PCDH15: variants seen among roughly 807,000 people sequenced by gnomAD.
PCDH15 encodes the protein protocadherin related 15.
PCDH15 carries 129 observed loss-of-function variants against 178.5 expected under a neutral mutation model. The ratio of observed to expected loss-of-function variants is 0.72; its 90% CI spans 0.63 to 0.84. The LOEUF (loss-of-function observed/expected upper bound fraction) is 0.84. Ranked by LOEUF, PCDH15 falls within the 40% of genes least tolerant of loss-of-function variation. The pLI, the probability that PCDH15 is intolerant of heterozygous loss-of-function variation, is 0.00. For missense variants in PCDH15, 2,230 were observed against 2,099.9 expected, an observed-to-expected ratio of 1.06 and a Z score of -1.21; for synonymous variants, 800 against 732.0, an observed-to-expected ratio of 1.09 and a Z score of -1.50.
intron 6 of PCDH15, among the ~76,000 whole-genome samples, chr10:54,337,547 G>A (rs1042845152): frequency 3.3e-5 from 5 of 152,198 alleles, no homozygotes; most frequent in South Asian, 2.1e-4. Context: ...TATCAACAGC[G>A]TGAAAACGGA....
At chr10:54,468,090 C>T (rs1054419657) in intron 3 of PCDH15, among the ~76,000 whole-genome samples, 14 of 151,602 alleles carry the variant, frequency 9.2e-5, no homozygotes, top group African/African-American at 3.4e-4. Flanking sequence ...TAAATTTTAT[C>T]TTTTTTTGGA....
At chr10:54,104,661 C>A (rs927176668) in intron 15 of PCDH15, among the ~76,000 whole-genome samples, 1 of 116,858 alleles carries the variant, frequency 8.6e-6, no homozygotes, top group Non-Finnish European at 2.0e-5. Flanking sequence ...TACAGTGAAA[C>A]CCCGTCTCTA....
rs563265090 is a variant in PCDH15, at chr10:53,839,270, T to C, written c.3983+1050A>G. 3.3e-5 allele frequency among the ~76,000 whole-genome samples: 5 copies of C among 151,658 alleles called. No homozygotes were observed. In the South Asian group the frequency reaches 1.0e-3, roughly 32 times the overall value. On this transcript the variant is annotated intron_variant, in intron 29 of 37. Transcript: ENST00000644397. ...AATAATTATGGCTTTTAAAAAATTT[T>C]AGCTGATATTAAATCATTATTTTAT...
intron 10 of PCDH15, among the ~76,000 whole-genome samples, chr10:54,199,713 G>A (rs887808263): frequency 8.6e-5 from 13 of 151,874 alleles, no homozygotes; most frequent in Non-Finnish European, 1.8e-4. Context: ...CCTGAAATCC[G>A]TGGTGGATGA....
intron 26 of PCDH15, among the ~76,000 whole-genome samples, chr10:53,875,150 C>T (rs911459270): frequency 6.6e-6 from 1 of 151,830 alleles, no homozygotes; most frequent in African/African-American, 2.4e-5. Context: ...TTTTCCAGAA[C>T]TGATAAAAGA....
intron 5 of PCDH15, among the ~76,000 whole-genome samples, chr10:54,349,069 C>T (rs568327789): frequency 5.0e-4 from 76 of 152,140 alleles, no homozygotes; most frequent in African/African-American, 1.7e-3. Context: ...CCAAAAAATA[C>T]TATGTCATGG....
intron 3 of PCDH15, among the ~76,000 whole-genome samples, chr10:54,855,121 A>G (rs1031453626): frequency 1.3e-5 from 2 of 152,240 alleles, no homozygotes; most frequent in Admixed American, 6.5e-5. Flanking sequence ...CTTTACTCCA[A>G]GAACAAAGCA....
At chr10:54,180,155 T>C (rs1334240673) in intron 13 of PCDH15, among the ~76,000 whole-genome samples, 2 of 152,188 alleles carry the variant, frequency 1.3e-5, no homozygotes, top group Non-Finnish European at 2.9e-5. Flanking sequence ...CGGAAGATGA[T>C]GTTGGTGCTT....
intron 1 of PCDH15, among the ~76,000 whole-genome samples, chr10:54,674,575 A>C (rs565111438): frequency 6.6e-6 from 1 of 152,216 alleles, no homozygotes; most frequent in Non-Finnish European, 1.5e-5. Flanking sequence ...ATAAATCTAC[A>C]TGGTTAAAGA....
chr10:54,451,347 A>C (rs374039994), intron 3 of PCDH15, among the ~76,000 whole-genome samples: 15 of 151,926 alleles, frequency 9.9e-5, no homozygotes, highest in African/African-American at 3.6e-4. Flanking sequence ...ACTAGTGAGC[A>C]TTATCTTTTG....
intron 2 of PCDH15, among the ~76,000 whole-genome samples, chr10:54,949,676 T>G (rs1459776572): frequency 6.6e-6 from 1 of 152,148 alleles, no homozygotes; most frequent in Non-Finnish European, 1.5e-5. Context: ...TGCATACAAC[T>G]GAATGCTTTT....
chr10:55,082,057 T>C (rs1236629876), intron 2 of PCDH15, among the ~76,000 whole-genome samples: 2 of 152,140 alleles, frequency 1.3e-5, no homozygotes, highest in Non-Finnish European at 1.5e-5. Flanking sequence ...GGAATTAATC[T>C]GCGCTATAGA....
rs367993446 is a variant in PCDH15, at chr10:54,357,367, T to C, written c.475-10883A>G. Among the ~76,000 whole-genome samples, 177 of 152,162 alleles carry C rather than the reference T, an allele frequency of 1.2e-3. 6 individuals are homozygous for C. The South Asian group carries it at 0.031, about 27-fold the overall frequency. ...AATCACAAGCATTCTTATACACCAA[T>C]AACAGACAAATAGAGAGCCAAATCA... On this transcript the variant is annotated intron_variant, in intron 5 of 37. Coordinates refer to ENST00000644397, the MANE Select transcript of PCDH15 (RefSeq NM_001384140.1).
intron 10 of PCDH15, among the ~76,000 whole-genome samples, chr10:54,197,590 G>A (rs1403020863): frequency 6.6e-6 from 1 of 152,080 alleles, no homozygotes; most frequent in East Asian, 1.9e-4. Flanking sequence ...GATAGATAGT[G>A]ACAGTACTTT....
At chr10:55,595,874 G>T (rs577206146) in intron 2 of PCDH15, among the ~76,000 whole-genome samples, 2 of 152,090 alleles carry the variant, frequency 1.3e-5, no homozygotes, top group South Asian at 4.1e-4. Flanking sequence ...ATTCTTCTAT[G>T]AAATAAGTAA....
chr10:54,997,918 G>C (rs1203682150), intron 2 of PCDH15, among the ~76,000 whole-genome samples: 2 of 152,028 alleles, frequency 1.3e-5, no homozygotes, highest in Non-Finnish European at 2.9e-5. Context: ...AATTAAGAAA[G>C]GGTTATGATA....
intron 1 of PCDH15, among the ~76,000 whole-genome samples, chr10:55,244,204 T>G (rs1476378699): frequency 6.6e-6 from 1 of 152,048 alleles, no homozygotes; most frequent in African/African-American, 2.4e-5. Flanking sequence ...CTTGTCAAAT[T>G]GTTTTCTGTG....
chr10:54,264,754 T>C (rs1441053851), intron 8 of PCDH15, among the ~76,000 whole-genome samples: 1 of 152,066 alleles, frequency 6.6e-6, no homozygotes, highest in East Asian at 1.9e-4. Flanking sequence ...TCAAGAAATA[T>C]GGGATTATGT....
At chr10:54,896,875 T>G (rs1451321358) in intron 3 of PCDH15, among the ~76,000 whole-genome samples, 1 of 152,202 alleles carries the variant, frequency 6.6e-6, no homozygotes, top group Non-Finnish European at 1.5e-5. Context: ...GGTAATAAGT[T>G]AATTCAATTT....
Sources: gnomAD v4.1 joint callset for allele counts (sites outside exome capture counted in the v4.1 genomes callset) on GRCh38, gnomAD v4.1.1 for gene constraint, MANE v1.5 for transcripts, NCBI Gene and HGNC (gene_info 2026-07-23, HGNC 2026-07-21) for gene names.